PTPRD: variants seen among roughly 807,000 people sequenced by gnomAD.
PTPRD encodes the protein receptor-type tyrosine-protein phosphatase delta.
Under a neutral mutation model 214.5 loss-of-function variants are expected in PTPRD, and 34 were observed. The observed-to-expected ratio is 0.16, with a 90% CI of 0.12 to 0.21. The LOEUF is 0.21. Ranked by LOEUF, PTPRD falls within the 10% of genes least tolerant of loss-of-function variation. The pLI is 1.00. For synonymous variants in PTPRD, 1,128 were observed against 845.7 expected (o/e 1.33, Z -5.79); for missense variants, 2,545 against 2,398.7 (o/e 1.06, Z -1.27).
At chr9:8,995,996 A>G (rs1262405816) in intron 11 of PTPRD, among the ~76,000 whole-genome samples, 1 of 152,106 alleles carries the variant, frequency 6.6e-6, no homozygotes, top group Non-Finnish European at 1.5e-5. Context: ...ACCATAAAAT[A>G]TTGCTGATAT....
intron 11 of PTPRD, among the ~76,000 whole-genome samples, chr9:8,789,590 T>A (rs1276926268): frequency 6.6e-6 from 1 of 152,182 alleles, no homozygotes; most frequent in African/African-American, 2.4e-5. Context: ...TTATTGGCAA[T>A]GTAAATGCCA....
intron 5 of PTPRD, among the ~76,000 whole-genome samples, chr9:9,841,209 G>C (rs2058255439): frequency 6.6e-6 from 1 of 152,164 alleles, no homozygotes; most frequent in South Asian, 2.1e-4. Context: ...AGTAGTGGTA[G>C]TGGGGTTAAC....
At chr9:10,607,457 C>G (rs1232180683) in intron 2 of PTPRD, among the ~76,000 whole-genome samples, 2 of 151,962 alleles carry the variant, frequency 1.3e-5, no homozygotes, top group African/African-American at 4.8e-5. Context: ...TTTTTAAACA[C>G]ACACAGATAC....
intron 10 of PTPRD, among the ~76,000 whole-genome samples, chr9:9,177,284 A>T (rs1256867679): frequency 1.3e-5 from 2 of 152,064 alleles, no homozygotes; most frequent in East Asian, 3.9e-4. Context: ...AACTGCCCCC[A>T]TGATTCAATT....
intron 2 of PTPRD, among the ~76,000 whole-genome samples, chr9:10,424,387 G>C (rs2098592823): frequency 6.6e-6 from 1 of 150,858 alleles, no homozygotes; most frequent in African/African-American, 2.4e-5. Context: ...TAACTGTTCA[G>C]AACTATTATT....
intron 2 of PTPRD, among the ~76,000 whole-genome samples, chr9:10,535,769 G>C (rs1222245151): frequency 6.6e-6 from 1 of 152,120 alleles, no homozygotes; most frequent in Non-Finnish European, 1.5e-5. Flanking sequence ...TGCACAGCAA[G>C]TTGAAAATTG....
chr9:8,770,522 A>G (rs1245120289), intron 11 of PTPRD, among the ~76,000 whole-genome samples: 1 of 152,144 alleles, frequency 6.6e-6, no homozygotes, highest in African/African-American at 2.4e-5. Context: ...TGGAAGATTT[A>G]ATTATTATTA....
intron 5 of PTPRD, among the ~76,000 whole-genome samples, chr9:9,933,152 G>A (rs1056357987): frequency 1.3e-5 from 2 of 152,192 alleles, no homozygotes; most frequent in African/African-American, 4.8e-5. Context: ...ATCGAGACTA[G>A]GAAGTAACTG....
In PTPRD at chr9:8,735,451, G is replaced by C. The variant is rs986680341; in HGVS notation, c.-103-1505C>G. Among the ~76,000 whole-genome samples, 6 of 152,084 alleles carry C rather than the reference G, an allele frequency of 3.9e-5. No homozygotes were observed. The East Asian group carries it at 9.7e-4, about 25-fold the overall frequency. On this transcript the variant is annotated intron_variant, in intron 11 of 45. Coordinates refer to ENST00000381196, the MANE Select transcript of PTPRD (RefSeq NM_002839.4). ...GAGCCACCACTCTTGGCCTACCAAA[G>C]TGCTAGGATTACAGGACTGGGTCAC... is the stretch of plus-strand genomic sequence containing the variant.
chr9:9,616,712 T>C (rs1035709561), intron 7 of PTPRD, among the ~76,000 whole-genome samples: 6 of 152,072 alleles, frequency 3.9e-5, no homozygotes, highest in African/African-American at 1.4e-4. Flanking sequence ...TCTAGAAAAC[T>C]CACGAATTAT....
At chr9:8,581,427 G>C (rs1207286665) in intron 14 of PTPRD, among the ~76,000 whole-genome samples, 2 of 152,094 alleles carry the variant, frequency 1.3e-5, no homozygotes, top group African/African-American at 4.8e-5. Context: ...AGAGGGAAAA[G>C]GGACACATAA....
chr9:8,565,331 A>G (rs2088553847), intron 14 of PTPRD, among the ~76,000 whole-genome samples: 1 of 152,196 alleles, frequency 6.6e-6, no homozygotes, highest in Non-Finnish European at 1.5e-5. Flanking sequence ...GTAATTTCCT[A>G]TAGACTGCTT....
chr9:9,572,582 T>C lies in PTPRD; in HGVS notation c.-237+2150A>G, dbSNP rs144933069. On this transcript the variant is annotated intron_variant, in intron 8 of 45. Coordinates refer to ENST00000381196, the MANE Select transcript of PTPRD (RefSeq NM_002839.4). ...ATATGTATATATATATATATATATG[T>C]GTATATATATGTATATGTGTATATA... Among the ~76,000 whole-genome samples, 242 of 145,424 alleles carry C rather than the reference T, an allele frequency of 1.7e-3. 1 individual carries two copies. Among genetic ancestry groups the C allele is most frequent in the Non-Finnish European group, 3.0e-3 (196 of 66,160 alleles).
chr9:9,297,125 C>T (rs910658489), intron 9 of PTPRD, among the ~76,000 whole-genome samples: 18 of 151,634 alleles, frequency 1.2e-4, no homozygotes, highest in Admixed American at 2.0e-4. Context: ...GAGTCAGGGG[C>T]CACAGTCTTC....
intron 11 of PTPRD, among the ~76,000 whole-genome samples, chr9:8,912,257 T>C (rs934514295): frequency 3.3e-5 from 5 of 152,120 alleles, no homozygotes; most frequent in African/African-American, 7.2e-5. Context: ...CCAAACCAAA[T>C]GTCCATCAGT....
chr9:9,376,630 A>G (rs1325504895), intron 9 of PTPRD, among the ~76,000 whole-genome samples: 1 of 152,178 alleles, frequency 6.6e-6, no homozygotes, highest in Non-Finnish European at 1.5e-5. Context: ...ATATGAAATG[A>G]AACAGTCTAT....
intron 3 of PTPRD, among the ~76,000 whole-genome samples, chr9:10,196,568 T>A (rs532695890): frequency 6.6e-6 from 1 of 152,136 alleles, no homozygotes; most frequent in African/African-American, 2.4e-5. Flanking sequence ...TTCATTATAG[T>A]AAGGTGACAA....
At chr9:8,810,938 T>C (rs2096789847) in intron 11 of PTPRD, among the ~76,000 whole-genome samples, 1 of 152,130 alleles carries the variant, frequency 6.6e-6, no homozygotes, top group Non-Finnish European at 1.5e-5. Flanking sequence ...GGGCATTAAT[T>C]CCACTACACT....
At chr9:8,979,782 A>T (rs2099297736) in intron 11 of PTPRD, among the ~76,000 whole-genome samples, 2 of 152,266 alleles carry the variant, frequency 1.3e-5, no homozygotes, top group Admixed American at 6.5e-5. Flanking sequence ...TACACTGTTC[A>T]TGGGAATAGA....
Sources: gnomAD v4.1 joint callset for allele counts (sites outside exome capture counted in the v4.1 genomes callset) on GRCh38, gnomAD v4.1.1 for gene constraint, MANE v1.5 for transcripts, NCBI Gene and HGNC (gene_info 2026-07-23, HGNC 2026-07-21) for gene names.